PPP2R2B: variants seen among roughly 807,000 people sequenced by gnomAD.
PPP2R2B encodes protein phosphatase 2 regulatory subunit Bbeta.
PPP2R2B carries 5 observed loss-of-function variants against 46.0 expected under a neutral mutation model. The observed-to-expected ratio is 0.11, with a 90% CI of 0.06 to 0.23. The LOEUF (loss-of-function observed/expected upper bound fraction) is 0.23. Ranked by LOEUF, PPP2R2B falls within the 10% of genes least tolerant of loss-of-function variation. The pLI, the probability that PPP2R2B is intolerant of heterozygous loss-of-function variation, is 1.00. For missense variants in PPP2R2B, 367 were observed against 575.0 expected (o/e 0.64, Z 3.70); for synonymous variants, 215 against 206.7 (o/e 1.04, Z -0.34).
intron 2 of PPP2R2B, among the ~76,000 whole-genome samples, chr5:146,713,182 C>T (rs867326298): frequency 6.6e-6 from 1 of 152,078 alleles, no homozygotes; most frequent in African/African-American, 2.4e-5. Flanking sequence ...GAGGCGTTCA[C>T]GATGCAGGTA....
At chr5:146,769,484 T>G (rs921044706) in intron 2 of PPP2R2B, among the ~76,000 whole-genome samples, 1 of 152,216 alleles carries the variant, frequency 6.6e-6, no homozygotes, top group African/African-American at 2.4e-5. Flanking sequence ...ATTTAATGCA[T>G]TTAGCTTTTC....
At position 146,667,375 on chromosome 5, in the gene PPP2R2B, G is replaced by T. The variant is rs1219197685; in HGVS notation, c.448-16651C>A. On this transcript the variant is annotated intron_variant, in intron 5 of 9. Coordinates refer to ENST00000394411, the MANE Select transcript of PPP2R2B (RefSeq NM_181675.4). The stretch of plus-strand genomic sequence containing the variant: ...ACACACACACACACACACACACAAA[G>T]GAGATAAAAAGTAAACAGGATGGGA... Among the ~76,000 whole-genome samples the T allele has an allele frequency of 2.0e-5, 3 of 147,470 alleles. No individual in the cohort carries two copies. The East Asian group carries it at 5.9e-4, about 29-fold the overall frequency.
chr5:146,797,905 G>A (rs557842762), intron 2 of PPP2R2B, among the ~76,000 whole-genome samples: 46 of 152,276 alleles, frequency 3.0e-4, no homozygotes, highest in African/African-American at 1.1e-3. Flanking sequence ...GCAGGGAGCT[G>A]TGCAGCCACA....
intron 1 of PPP2R2B, among the ~76,000 whole-genome samples, chr5:146,933,204 C>A (rs989433364): frequency 7.9e-5 from 12 of 152,050 alleles, no homozygotes; most frequent in Admixed American, 2.6e-4. Flanking sequence ...GTGTTTCCAA[C>A]CAGATGAATT....
chr5:146,721,162 AC>A (rs1780776461), intron 2 of PPP2R2B, among the ~76,000 whole-genome samples: 1 of 152,102 alleles, frequency 6.6e-6, no homozygotes, highest in African/African-American at 2.4e-5. Flanking sequence ...TTACCTCCAA[AC>A]TGGAGCTGTT....
At chr5:146,848,091 A>G (rs1364804764) in intron 2 of PPP2R2B, among the ~76,000 whole-genome samples, 6 of 152,160 alleles carry the variant, frequency 3.9e-5, no homozygotes. Context: ...ACAGTCGCCT[A>G]CCAACTTACT....
intron 2 of PPP2R2B, among the ~76,000 whole-genome samples, chr5:146,721,150 A>G (rs1436416022): frequency 3.3e-5 from 5 of 152,188 alleles, no homozygotes; most frequent in Non-Finnish European, 2.9e-5. Context: ...TTAACTTGAC[A>G]TTTACCTCCA....
At chr5:146,917,579 A>G (rs1003015855) in intron 1 of PPP2R2B, among the ~76,000 whole-genome samples, 3 of 152,232 alleles carry the variant, frequency 2.0e-5, no homozygotes, top group Non-Finnish European at 4.4e-5. Flanking sequence ...TTAATGGTAG[A>G]GTTGGTTCTA....
At chr5:146,885,432 C>T (rs1762290612) in intron 1 of PPP2R2B, among the ~76,000 whole-genome samples, 1 of 152,186 alleles carries the variant, frequency 6.6e-6, no homozygotes, top group African/African-American at 2.4e-5. Context: ...ACTTGTCTCT[C>T]TTAGGGATAA....
At chr5:146,678,222 G>A (rs948295497) in intron 5 of PPP2R2B, among the ~76,000 whole-genome samples, 9 of 152,072 alleles carry the variant, frequency 5.9e-5, no homozygotes, top group African/African-American at 2.2e-4. Context: ...TCCCTGGGAT[G>A]CAAGGCTGGC....
intron 2 of PPP2R2B, among the ~76,000 whole-genome samples, chr5:146,807,261 C>T (rs933945947): frequency 6.6e-6 from 1 of 152,164 alleles, no homozygotes; most frequent in South Asian, 2.1e-4. Context: ...CACAGAACAT[C>T]TATTTCATGA....
chr5:146,856,390 G>A (rs1176340951), intron 2 of PPP2R2B: 1 of 786,492 alleles, frequency 1.3e-6, no homozygotes, highest in Non-Finnish European at 2.0e-6. Flanking sequence ...TTTAAAAAAT[G>A]TAAATTAACT....
At chr5:146,790,969 C>A (rs1268327373) in intron 2 of PPP2R2B, among the ~76,000 whole-genome samples, 3 of 152,112 alleles carry the variant, frequency 2.0e-5, no homozygotes, top group Non-Finnish European at 4.4e-5. Flanking sequence ...ACGAATGCTG[C>A]AAATCGGTCA....
At position 146,908,476 on chromosome 5, in the gene PPP2R2B, A is replaced by G. The variant is rs76759657; in HGVS notation, c.79+147189T>C. On this transcript the variant is annotated intron_variant, in intron 1 of 8. Coordinates refer to the PPP2R2B transcript ENST00000336640. ...AGACTCCTAAATTTTTTGAACATAC[A>G]TATGTATACAGCTGTTTGGGCCTAG... Among the ~76,000 whole-genome samples, 1,116 of 151,964 alleles carry G rather than the reference A, an allele frequency of 7.3e-3. 32 individuals carry two copies. The highest frequency in any genetic ancestry group is 0.069 in the East Asian group (358 of 5,156).
At position 146,762,569 on chromosome 5, in the gene PPP2R2B, T is replaced by A. The variant is rs140113868; in HGVS notation, c.71-61427A>T. 1.7e-4 allele frequency among the ~76,000 whole-genome samples: 26 copies of A among 152,332 alleles called. No homozygotes were observed. In the East Asian group the frequency reaches 5.0e-3, roughly 29 times the overall value. ...ACAACAGTTTTTAGTAGTTATTTCT[T>A]ACATATCTACATACTCTTTGGGAAC... is the stretch of plus-strand genomic sequence containing the variant. On this transcript the variant is annotated intron_variant, in intron 2 of 9. Transcript: ENST00000394411.
chr5:147,052,794 G>A (rs1168952906), intron 1 of PPP2R2B, among the ~76,000 whole-genome samples: 25 of 152,004 alleles, frequency 1.6e-4, no homozygotes. Flanking sequence ...TTTAGAGTGT[G>A]GGGTGGTAAG....
intron 2 of PPP2R2B, among the ~76,000 whole-genome samples, chr5:146,828,818 T>A (rs1423123828): frequency 1.3e-5 from 2 of 152,220 alleles, no homozygotes; most frequent in South Asian, 4.1e-4. Flanking sequence ...GATGTTCAAA[T>A]AACTCCTTAC....
At chr5:147,009,864 T>TACAC (rs201299020) in intron 1 of PPP2R2B, among the ~76,000 whole-genome samples, 2,790 of 136,612 alleles carry the variant, frequency 0.02, 40 homozygotes, top group Non-Finnish European at 0.031. Context: ...CACACACACA[T>TACAC]ACACACACAC....
chr5:146,871,654 C>T (rs186780779), intron 2 of PPP2R2B, among the ~76,000 whole-genome samples: 1 of 152,222 alleles, frequency 6.6e-6, no homozygotes, highest in East Asian at 1.9e-4. Flanking sequence ...CAAGTAAATC[C>T]AGCAGCACCG....
Sources: gnomAD v4.1 joint callset for allele counts (sites outside exome capture counted in the v4.1 genomes callset) on GRCh38, gnomAD v4.1.1 for gene constraint, MANE v1.5 for transcripts, NCBI Gene and HGNC (gene_info 2026-07-23, HGNC 2026-07-21) for gene names.